The following EDA variants were observed in gnomAD, a reference collection of about 807,000 sequenced individuals.
The protein encoded by EDA is ectodysplasin A.
EDA carries 2 observed loss-of-function variants against 23.6 expected under a neutral mutation model. The observed-to-expected ratio is 0.08, with a 90% CI of 0.03 to 0.27. The LOEUF (loss-of-function observed/expected upper bound fraction) is 0.27. Ranked by LOEUF, EDA falls within the 10% of genes least tolerant of loss-of-function variation. The pLI, the probability that EDA is intolerant of heterozygous loss-of-function variation, is 1.00. For synonymous variants in EDA, 131 were observed against 132.0 expected, an observed-to-expected ratio of 0.99 and a Z score of 0.05; for missense variants, 229 against 324.2, an observed-to-expected ratio of 0.71 and a Z score of 2.26.
At chrX:69,719,227 T>C (rs745808184) in intron 1 of EDA, among the ~76,000 whole-genome samples, 4 of 111,589 alleles carry the variant, frequency 3.6e-5, no homozygotes, top group African/African-American at 1.3e-4. Context: ...ATTGTTTTTT[T>C]TTTCCCTAAG....
intron 2 of EDA, among the ~76,000 whole-genome samples, chrX:69,983,751 T>A (rs1283407206): frequency 1.2e-5 from 1 of 85,650 alleles, no homozygotes; most frequent in Non-Finnish European, 2.2e-5. Context: ...GTTGCTCTTC[T>A]CGAGGAGTAT....
At chrX:69,947,612 C>T (rs912921230) in intron 1 of EDA, among the ~76,000 whole-genome samples, 11 of 112,085 alleles carry the variant, frequency 9.8e-5, no homozygotes, top group African/African-American at 3.2e-4. Context: ...TATTTCTACG[C>T]ATGTCAGCAA....
intron 2 of EDA, among the ~76,000 whole-genome samples, chrX:69,981,020 A>G (rs917868204): frequency 8.9e-6 from 1 of 111,991 alleles, no homozygotes; most frequent in Non-Finnish European, 1.9e-5. Context: ...TTCTAGCCAC[A>G]AGCATTCCAC....
At position 69,877,150 on chromosome X, in the gene EDA, A is replaced by G. The variant is rs376497796; in HGVS notation, c.397-79877A>G. Among the ~76,000 whole-genome samples the G allele has an allele frequency of 2.1e-4, 24 of 111,868 alleles. No individual in the cohort carries two copies. The East Asian group carries it at 6.2e-3, about 29-fold the overall frequency. Reference sequence around the variant, plus strand: ...AGCCTGAGCCCATCTCTGTGAATATATATTTTTTAAATTAGCCAGGCATGA... The same window carrying G: ...AGCCTGAGCCCATCTCTGTGAATATGTATTTTTTAAATTAGCCAGGCATGA... On this transcript the variant is annotated intron_variant, in intron 1 of 7. Transcript: ENST00000374552.
chrX:69,859,767 T>C lies in EDA; in HGVS notation c.397-97260T>C, dbSNP rs368738273. 5.3e-3 allele frequency among the ~76,000 whole-genome samples: 590 copies of C among 111,509 alleles called. 2 individuals are homozygous for C. Among genetic ancestry groups the C allele is most frequent in the Non-Finnish European group, 8.6e-3 (456 of 53,025 alleles). ...TATGATCCATTGCTGAGTTCATGTC[T>C]TGAGTATCTTTGTTAATTTTGTCTC... is the stretch of plus-strand genomic sequence containing the variant. On this transcript the variant is annotated intron_variant, in intron 1 of 7. Transcript: ENST00000374552.
chrX:69,827,871 G>A (rs960440391), intron 1 of EDA, among the ~76,000 whole-genome samples: 12 of 111,525 alleles, frequency 1.1e-4, no homozygotes, highest in Admixed American at 1.9e-4. Flanking sequence ...TGTACAGATG[G>A]GTTTTTGGTG....
chrX:69,758,230 C>T (rs182901512), intron 1 of EDA, among the ~76,000 whole-genome samples: 4 of 111,963 alleles, frequency 3.6e-5, no homozygotes, highest in East Asian at 2.8e-4. Context: ...AAAGAGCAAA[C>T]GTTAAGCATT....
At chrX:69,857,860 G>A (rs1278923491) in intron 1 of EDA, among the ~76,000 whole-genome samples, 4 of 112,010 alleles carry the variant, frequency 3.6e-5, no homozygotes, top group African/African-American at 9.7e-5. Flanking sequence ...TCTATCTATC[G>A]ATGAGCACTG....
At chrX:69,979,381 T>A (rs1030997750) in intron 2 of EDA, among the ~76,000 whole-genome samples, 2 of 112,093 alleles carry the variant, frequency 1.8e-5, no homozygotes. Context: ...TTTATGGAAA[T>A]ATGTTTTTAT....
At chrX:69,909,693 T>A (rs1179806190) in intron 1 of EDA, among the ~76,000 whole-genome samples, 1 of 112,688 alleles carries the variant, frequency 8.9e-6, no homozygotes, top group Non-Finnish European at 1.9e-5. Context: ...TTTACAACAT[T>A]TTTAACAGAA....
At chrX:69,762,676 G>C (rs958647110) in intron 1 of EDA, among the ~76,000 whole-genome samples, 3 of 111,639 alleles carry the variant, frequency 2.7e-5, no homozygotes, top group Admixed American at 9.5e-5. Context: ...AACAATTAGT[G>C]GCTAATCAAT....
intron 1 of EDA, among the ~76,000 whole-genome samples, chrX:69,909,292 G>GTTTGT (rs763459265): frequency 8.1e-5 from 9 of 111,324 alleles, no homozygotes; most frequent in Admixed American, 2.9e-4. Flanking sequence ...TTGTTGGTTG[G>GTTTGT]TTTGTTTTGT....
At chrX:69,971,115 A>G (rs1308203122) in intron 2 of EDA, among the ~76,000 whole-genome samples, 5 of 111,802 alleles carry the variant, frequency 4.5e-5, no homozygotes, top group Admixed American at 9.6e-5. Context: ...ATTATTTATG[A>G]ATATAAATTA....
At chrX:69,992,844 G>A (rs1399044630) in intron 2 of EDA, among the ~76,000 whole-genome samples, 2 of 106,205 alleles carry the variant, frequency 1.9e-5, no homozygotes, top group Non-Finnish European at 3.9e-5. Flanking sequence ...TTTCCTATGA[G>A]TCTGCTTTTG....
In EDA at chrX:69,825,899, T is replaced by A. The variant is rs1441689756; in HGVS notation, c.397-131128T>A. Among the ~76,000 whole-genome samples the A allele has an allele frequency of 2.7e-5, 3 of 109,818 alleles. No homozygotes were observed. In the East Asian group the frequency reaches 8.6e-4, roughly 32 times the overall value. ...ATCCCAGAGATTCTGGTATGTTGTG[T>A]CTTTGTTCTCGTTGGTTTCAAAGAA... On this transcript the variant is annotated intron_variant, in intron 1 of 7. Coordinates refer to ENST00000374552, the MANE Select transcript of EDA (RefSeq NM_001399.5).
At chrX:69,854,275 C>T (rs1159276689) in intron 1 of EDA, among the ~76,000 whole-genome samples, 3 of 111,006 alleles carry the variant, frequency 2.7e-5, no homozygotes, top group African/African-American at 9.8e-5. Context: ...CTCAATGCAG[C>T]CTCTGCCTCC....
intron 1 of EDA, among the ~76,000 whole-genome samples, chrX:69,927,313 G>C (rs1348342617): frequency 4.5e-5 from 5 of 111,520 alleles, no homozygotes; most frequent in Non-Finnish European, 9.4e-5. Flanking sequence ...TCCATATTTA[G>C]TGCTTCTTTC....
At chrX:69,936,571 TG>T (rs1361194770) in intron 1 of EDA, among the ~76,000 whole-genome samples, 1 of 112,043 alleles carries the variant, frequency 8.9e-6, no homozygotes, top group African/African-American at 3.2e-5. Flanking sequence ...CTACATTCTG[TG>T]GGTCAAAACC....
At chrX:69,691,073 A>C (rs1057400286) in intron 1 of EDA, among the ~76,000 whole-genome samples, 3 of 111,753 alleles carry the variant, frequency 2.7e-5, no homozygotes, top group African/African-American at 9.7e-5. Flanking sequence ...TTCAAAGAAA[A>C]AAATCGCCTT....
Sources: gnomAD v4.1 joint callset for allele counts (sites outside exome capture counted in the v4.1 genomes callset) on GRCh38, gnomAD v4.1.1 for gene constraint, MANE v1.5 for transcripts, NCBI Gene and HGNC (gene_info 2026-07-23, HGNC 2026-07-21) for gene names.